DICER1: variants seen among roughly 807,000 people sequenced by gnomAD.
DICER1 encodes endoribonuclease Dicer.
Under a neutral mutation model 194.1 loss-of-function variants are expected in DICER1, and 43 were observed. The observed-to-expected ratio is 0.22, with a 90% confidence interval of 0.17 to 0.29. The LOEUF is 0.29. DICER1 is among the 10% of genes least tolerant of loss of function. The pLI is 1.00. For synonymous variants in DICER1, 832 were observed against 820.5 expected (o/e 1.01, Z -0.24); for missense variants, 1,608 against 2,317.0 (o/e 0.69, Z 6.28).
At position 95,108,031 on chromosome 14, in the gene DICER1, C is replaced by G; in HGVS notation, c.2499G>C (p.Lys833Asn). 6.2e-7 allele frequency: 1 copy of G among 1,613,880 alleles called. No individual in the cohort carries two copies. The highest frequency in any genetic ancestry group is 8.5e-7 in the Non-Finnish European group (1 of 1,179,808). Reference protein sequence around the residue: ...GEVTISIELKKSGFMLSLQML... With the variant: ...GEVTISIELKNSGFMLSLQML... ...TTTGTAGAGACAACATGAAACCAGA[C>G]TTCTTCAACTCAATGGATATGGTAA... The change falls in exon 16 of 27, where the codon AAG (lysine) becomes AAC (asparagine). Residue 833 changes from lysine to asparagine, a missense_variant. Coordinates refer to ENST00000343455, the MANE Select transcript of DICER1 (RefSeq NM_177438.3).
intron 4 of DICER1, 121 bp from the exon 5 acceptor site, chr14:95,130,313 T>G: frequency 1.1e-6 from 1 of 942,204 alleles, no homozygotes; most frequent in Non-Finnish European, 1.6e-6. Flanking sequence ...TTAGTCAAAA[T>G]TAAAACTAAA....
chr14:95,145,321 A>G (rs1342344590), intron 1 of DICER1, among the ~76,000 whole-genome samples: 4 of 152,278 alleles, frequency 2.6e-5, no homozygotes, highest in African/African-American at 7.2e-5. Context: ...ATGAAAATCA[A>G]TGCAATTAAA....
intron 2 of DICER1, 56 bp from the exon 3 acceptor site, chr14:95,132,733 A>G (rs1188864111): frequency 1.9e-6 from 3 of 1,539,744 alleles, no homozygotes; most frequent in Non-Finnish European, 2.7e-6. Context: ...CAAAATTTAT[A>G]AAATTGGATT....
chr14:95,095,950 T>A lies in DICER1; in HGVS notation c.4970A>T (p.Lys1657Ile), dbSNP rs778780063. ...CCCCGATATAAGGTGATTCAGTGTT[T>A]TATCTGCATCTGGATGATCAAACAT... is the stretch of plus-strand genomic sequence containing the variant. ...RCMFDHPDAD[K>I]TLNHLISGFE... Residue 1657 changes from lysine to isoleucine, a missense_variant, in exon 23 of 27, where the codon AAA (lysine) becomes ATA (isoleucine). By Grantham distance (102) the Lys-to-Ile change is moderately radical (BLOSUM62 -3). Around this residue, in one of 10 missense-constraint regions of DICER1, gnomAD observed 125 missense variants for 134.9 expected, o/e 0.93. Coordinates refer to ENST00000343455, the MANE Select transcript of DICER1 (RefSeq NM_177438.3). 1 of 1,614,236 alleles carries A rather than the reference T, an allele frequency of 6.2e-7. No individual in the cohort carries two copies. Among genetic ancestry groups the A allele is most frequent in the Non-Finnish European group, 8.5e-7 (1 of 1,180,034 alleles).
chr14:95,096,779 C>G, intron 22 of DICER1, 66 bp from the exon 23 acceptor site: 2 of 1,516,272 alleles, frequency 1.3e-6, no homozygotes, highest in Non-Finnish European at 1.8e-6. Flanking sequence ...GTTTGAAACT[C>G]AATAAAAGCA....
intron 24 of DICER1, among the ~76,000 whole-genome samples, chr14:95,093,631 T>C (rs2139807802): frequency 6.6e-6 from 1 of 152,322 alleles, no homozygotes; most frequent in Non-Finnish European, 1.5e-5. Flanking sequence ...CATGAAGGCG[T>C]GGGAAGGGTA....
At chr14:95,133,279 T>C (rs1210555668) in intron 2 of DICER1, 36 bp downstream of exon 2, 6 of 1,609,670 alleles carry the variant, frequency 3.7e-6, no homozygotes, top group Non-Finnish European at 5.1e-6. Flanking sequence ...TCCATTTTAG[T>C]GTAGAATGCT....
intron 1 of DICER1, among the ~76,000 whole-genome samples, chr14:95,142,524 T>A (rs1377219270): frequency 6.6e-6 from 1 of 152,240 alleles, no homozygotes. Context: ...ACTAAGTTGA[T>A]AATCCTTTAA....
intron 1 of DICER1, among the ~76,000 whole-genome samples, chr14:95,136,042 G>C (rs1042374415): frequency 6.7e-6 from 1 of 149,596 alleles, no homozygotes; most frequent in South Asian, 2.1e-4. Context: ...TATGATACAT[G>C]TAACTTATTC....
chr14:95,112,466 A>G (rs1892065006), intron 12 of DICER1, among the ~76,000 whole-genome samples: 1 of 152,210 alleles, frequency 6.6e-6, no homozygotes, highest in Non-Finnish European at 1.5e-5. Context: ...CTAAGTCATA[A>G]TTAAGATTTT....
chr14:95,095,633 G>C, intron 23 of DICER1, 192 bp downstream of exon 23: 1 of 678,868 alleles, frequency 1.5e-6, no homozygotes, highest in Non-Finnish European at 2.6e-6. Context: ...AACAACCAAA[G>C]TTATAAAGCA....
intron 20 of DICER1, among the ~76,000 whole-genome samples, chr14:95,104,778 C>T (rs1891258537): frequency 6.6e-6 from 1 of 152,130 alleles, no homozygotes; most frequent in African/African-American, 2.4e-5. Context: ...CATGCTAAGG[C>T]TATTGCTTTT....
Position 95,090,644 on chromosome 14 carries a change from C to T in DICER1, c.5623G>A (p.Asp1875Asn), listed in dbSNP as rs745601023. The change falls in exon 27 of 27, where the codon GAC (aspartate) becomes AAC (asparagine). Residue 1875 changes from aspartate (D) to asparagine (N), a missense_variant. Physicochemically the swap from Asp to Asn is conservative, Grantham distance 23. Coordinates refer to ENST00000343455, the MANE Select transcript of DICER1 (RefSeq NM_177438.3). ...TCCACAGTGACTCTGACCTTCCCGTCGTAAGTTCTCTCAGCCGGGCTGTAA... is the reference window on the plus strand; with the variant it reads ...TCCACAGTGACTCTGACCTTCCCGTTGTAAGTTCTCTCAGCCGGGCTGTAA... Reference protein sequence around the residue: ...AKFSPAERTYDGKVRVTVEVV... With the variant: ...AKFSPAERTYNGKVRVTVEVV... 22 of 1,613,956 alleles carry T rather than the reference C, an allele frequency of 1.4e-5. No individual in the cohort carries two copies. Among genetic ancestry groups the T allele is most frequent in the African/African-American group, 1.3e-5 (1 of 74,880 alleles).
rs1160531298 is a variant in DICER1, at chr14:95,133,617, C to T, written c.-45-114G>A. ...TTCCTATGAGCCATTCAAACTCTTCCTATAATTGTTTTAGCTTTTTCTTGA... is the reference window on the plus strand; with the variant it reads ...TTCCTATGAGCCATTCAAACTCTTCTTATAATTGTTTTAGCTTTTTCTTGA... On this transcript the variant is annotated intron_variant, in intron 1 of 26. Transcript: ENST00000343455. The T allele has an allele frequency of 1.5e-5, 12 of 814,318 alleles. No homozygotes were observed. The South Asian group carries it at 1.8e-4, about 12-fold the overall frequency. 50.4% of individuals were successfully genotyped at this position (814,318 alleles called of 1,614,324 possible).
chr14:95,096,789 A>T, intron 22 of DICER1, 76 bp from the exon 23 acceptor site: 1 of 1,497,096 alleles, frequency 6.7e-7, no homozygotes, highest in South Asian at 1.3e-5. Flanking sequence ...CAATAAAAGC[A>T]AGGGTTATGG....
intron 4 of DICER1, 59 bp from the exon 5 acceptor site, chr14:95,130,251 A>C: frequency 2.0e-6 from 3 of 1,520,988 alleles, no homozygotes; most frequent in Admixed American, 1.7e-5. Flanking sequence ...ATATACTTAC[A>C]TAAAATCAGA....
intron 10 of DICER1, 83 bp from the exon 11 acceptor site, chr14:95,115,904 C>A (rs1892409743): frequency 3.5e-6 from 5 of 1,409,444 alleles, no homozygotes. Context: ...ACAGAAAAAA[C>A]TCTCCTGAAA....
chr14:95,093,838 A>C, intron 24 of DICER1, 50 bp downstream of exon 24: 1 of 1,595,498 alleles, frequency 6.3e-7, no homozygotes. Flanking sequence ...GAAACTACAG[A>C]GACTCCTAGT....
chr14:95,148,873 C>T (rs1566831568), intron 1 of DICER1, among the ~76,000 whole-genome samples: 1 of 152,086 alleles, frequency 6.6e-6, no homozygotes, highest in Non-Finnish European at 1.5e-5. Flanking sequence ...TAACACATCA[C>T]TAGCTTTCAA....
Sources: gnomAD v4.1 joint callset for allele counts (sites outside exome capture counted in the v4.1 genomes callset) on GRCh38, gnomAD v4.1.1 for gene constraint, gnomAD v4.1.1 regional missense constraint, MANE v1.5 for transcripts, NCBI Gene and HGNC (gene_info 2026-07-23, HGNC 2026-07-21) for gene names.